GRID1: variants seen among roughly 807,000 people sequenced by gnomAD.
The protein encoded by GRID1 is glutamate ionotropic receptor delta type subunit 1.
Under a neutral mutation model 98.0 loss-of-function variants are expected in GRID1, and 28 were observed. The observed-to-expected ratio is 0.29, with a 90% CI of 0.21 to 0.39. The LOEUF (loss-of-function observed/expected upper bound fraction) is 0.39, where lower values mean the gene tolerates loss of function less well. Among genes scored for constraint, GRID1 ranks in the 10% least tolerant of loss-of-function variants. GRID1 has a pLI of 1.00. For missense variants in GRID1, 1,111 were observed against 1,340.5 expected, an observed-to-expected ratio of 0.83 and a Z score of 2.67; for synonymous variants, 553 against 538.5, an observed-to-expected ratio of 1.03 and a Z score of -0.37.
chr10:86,082,764 T>C (rs981867574), intron 4 of GRID1, among the ~76,000 whole-genome samples: 4 of 152,194 alleles, frequency 2.6e-5, no homozygotes, highest in Admixed American at 6.5e-5. Flanking sequence ...CACTCAGTGC[T>C]GCCCAAACCA....
chr10:86,307,536 T>C (rs528753481), intron 2 of GRID1, among the ~76,000 whole-genome samples: 7 of 152,286 alleles, frequency 4.6e-5, no homozygotes, highest in Non-Finnish European at 7.4e-5. Context: ...CAGGAGCTGC[T>C]GTGGGGGGGA....
intron 3 of GRID1, among the ~76,000 whole-genome samples, chr10:86,205,503 T>C (rs1011765349): frequency 6.6e-6 from 1 of 152,224 alleles, no homozygotes; most frequent in Non-Finnish European, 1.5e-5. Context: ...TACTGAAATA[T>C]GAACAAGGCC....
At chr10:85,710,989 A>G (rs1366568692) in intron 12 of GRID1, among the ~76,000 whole-genome samples, 2 of 152,080 alleles carry the variant, frequency 1.3e-5, no homozygotes, top group African/African-American at 2.4e-5. Context: ...TGTCGGCAAC[A>G]ATTTGGAGAA....
At chr10:85,900,101 A>G (rs1841358942) in intron 5 of GRID1, among the ~76,000 whole-genome samples, 1 of 152,190 alleles carries the variant, frequency 6.6e-6, no homozygotes, top group Non-Finnish European at 1.5e-5. Context: ...TCACAGAAAG[A>G]GGTTCTGGTG....
intron 5 of GRID1, among the ~76,000 whole-genome samples, chr10:85,896,024 AGT>A: frequency 6.6e-6 from 1 of 151,414 alleles, no homozygotes; most frequent in South Asian, 2.1e-4. Context: ...GGCCATTGAA[AGT>A]TCAACATAAG....
intron 4 of GRID1, among the ~76,000 whole-genome samples, chr10:86,083,085 G>C (rs1039001802): frequency 6.6e-6 from 1 of 152,244 alleles, no homozygotes; most frequent in Non-Finnish European, 1.5e-5. Context: ...AGTAAAGTCT[G>C]TGAAATGACT....
intron 2 of GRID1, among the ~76,000 whole-genome samples, chr10:86,283,900 G>A (rs1392925723): frequency 7.4e-6 from 1 of 135,674 alleles, no homozygotes. Context: ...TCACACACCT[G>A]TATATACACA....
At chr10:85,852,127 C>T (rs1186166988) in intron 8 of GRID1, among the ~76,000 whole-genome samples, 1 of 152,208 alleles carries the variant, frequency 6.6e-6, no homozygotes, top group African/African-American at 2.4e-5. Context: ...ATCCCACTCC[C>T]TGCTTTCCAG....
intron 4 of GRID1, among the ~76,000 whole-genome samples, chr10:86,004,491 T>C (rs1402965595): frequency 6.6e-6 from 1 of 152,194 alleles, no homozygotes; most frequent in African/African-American, 2.4e-5. Context: ...TAAAGCAGAT[T>C]GCCCTCCATG....
intron 2 of GRID1, among the ~76,000 whole-genome samples, chr10:86,231,032 T>C (rs1464291434): frequency 6.6e-6 from 1 of 152,176 alleles, no homozygotes. Flanking sequence ...CTGGGCTGTT[T>C]CCAAGGTCTC....
chr10:85,619,039 G>A (rs1396910780), intron 14 of GRID1, among the ~76,000 whole-genome samples: 1 of 152,184 alleles, frequency 6.6e-6, no homozygotes, highest in African/African-American at 2.4e-5. Context: ...TTTGGATTTG[G>A]GTGGACTCTG....
Position 85,797,118 on chromosome 10 carries a change from A to G in GRID1, c.1233+57378T>C, listed in dbSNP as rs539501556. 7.2e-5 allele frequency among the ~76,000 whole-genome samples: 11 copies of G among 152,356 alleles called. No homozygotes were observed. In the East Asian group the frequency reaches 2.1e-3, roughly 29 times the overall value. ...TATAAGAAACCAAAATGGGAATGAA[A>G]GAGAATAGCAGGATGATATGGTATG... On this transcript the variant is annotated intron_variant, in intron 8 of 15. Transcript: ENST00000327946.
chr10:85,778,415 G>C (rs1306446108), intron 8 of GRID1, among the ~76,000 whole-genome samples: 1 of 152,118 alleles, frequency 6.6e-6, no homozygotes, highest in Non-Finnish European at 1.5e-5. Context: ...CCACTCCAGG[G>C]CTAGGTTGTC....
At chr10:86,335,123 C>G (rs1848205112) in intron 2 of GRID1, among the ~76,000 whole-genome samples, 2 of 152,362 alleles carry the variant, frequency 1.3e-5, no homozygotes, top group Middle Eastern at 6.8e-3. Context: ...ACTTTCATTG[C>G]TATAACCATT....
intron 4 of GRID1, among the ~76,000 whole-genome samples, chr10:85,940,347 G>A (rs563883006): frequency 1.3e-5 from 2 of 152,234 alleles, no homozygotes; most frequent in African/African-American, 4.8e-5. Context: ...ATCTTCAAAG[G>A]AGGGCCCATC....
chr10:86,161,106 C>T (rs1271964778), intron 3 of GRID1, among the ~76,000 whole-genome samples: 1 of 152,188 alleles, frequency 6.6e-6, no homozygotes, highest in East Asian at 1.9e-4. Context: ...CCAGCAACAA[C>T]AGACAGGCTA....
At chr10:85,736,016 A>G (rs1175685471) in intron 8 of GRID1, among the ~76,000 whole-genome samples, 1 of 121,340 alleles carries the variant, frequency 8.2e-6, no homozygotes, top group African/African-American at 3.1e-5. Context: ...GGAAGGAGGG[A>G]GGGAGGGAAG....
chr10:86,324,756 A>C (rs1180928863), intron 2 of GRID1, among the ~76,000 whole-genome samples: 2 of 151,364 alleles, frequency 1.3e-5, no homozygotes, highest in African/African-American at 2.4e-5. Flanking sequence ...TAAATAGATT[A>C]AGTTATGCTA....
intron 4 of GRID1, among the ~76,000 whole-genome samples, chr10:86,085,995 C>G (rs1844049522): frequency 6.6e-6 from 1 of 152,162 alleles, no homozygotes; most frequent in Admixed American, 6.5e-5. Context: ...CTCAAGCTCA[C>G]CAAACTCTTT....
Sources: allele counts gnomAD v4.1 joint callset (sites outside exome capture counted in the v4.1 genomes callset), GRCh38; gene constraint gnomAD v4.1.1; transcripts MANE v1.5; gene names NCBI Gene and HGNC (gene_info 2026-07-23, HGNC 2026-07-21).